Variants in YWHAB observed in about 807,000 individuals in gnomAD.
The protein encoded by YWHAB is 14-3-3 protein beta/alpha.
YWHAB carries 2 observed loss-of-function variants against 28.5 expected under a neutral mutation model. That is an observed-to-expected ratio of 0.07 (90% CI 0.03 to 0.22). The LOEUF (loss-of-function observed/expected upper bound fraction) is 0.22. Among genes scored for constraint, YWHAB ranks in the 10% least tolerant of loss-of-function variants. The probability of loss-of-function intolerance (pLI) is 1.00; values close to 1 mark genes in which losing one functional copy is unlikely to be tolerated. For synonymous variants in YWHAB, 103 were observed against 104.7 expected, an observed-to-expected ratio of 0.98 and a Z score of 0.10; for missense variants, 148 against 297.1, an observed-to-expected ratio of 0.50 and a Z score of 3.69.
intron 1 of YWHAB, among the ~76,000 whole-genome samples, chr20:44,889,868 T>C (rs993027086): frequency 1.2e-4 from 18 of 152,218 alleles, no homozygotes; most frequent in African/African-American, 3.6e-4. Context: ...GAGTTCATAA[T>C]TGATCTTTAG....
rs1168134597 is a variant in YWHAB, at chr20:44,901,627, A to T, written c.94A>T (p.Thr32Ser). ...DDMAAAMKAV[T>S]EQGHELSNEE... ...TATGGCTGCAGCCATGAAGGCAGTC[A>T]CAGAACAGGGGCATGAACTCTCCAA... is the stretch of plus-strand genomic sequence containing the variant. The change falls in exon 2 of 6, where the codon ACA becomes TCA. Residue 32 changes from threonine to serine, a missense_variant. Thr to Ser is a moderately conservative substitution (Grantham distance 58). This residue lies in a region of YWHAB where 110 missense variants were observed against 177.9 expected (regional missense o/e 0.62). Transcript: ENST00000353703. 2 of 1,614,184 alleles carry T rather than the reference A, an allele frequency of 1.2e-6. No individual in the cohort carries two copies. The highest frequency in any genetic ancestry group is 2.2e-5 in the South Asian group (2 of 91,080).
intron 1 of YWHAB, among the ~76,000 whole-genome samples, chr20:44,890,500 CTTTTTTTTTTTT>C (rs35619333): frequency 3.5e-5 from 3 of 86,388 alleles, no homozygotes; most frequent in African/African-American, 4.5e-5. Flanking sequence ...TGGATTCCTA[CTTTTTTTTTTTT>C]TTTTTTTTTT....
intron 1 of YWHAB, among the ~76,000 whole-genome samples, chr20:44,897,733 T>G (rs546269979): frequency 4.6e-5 from 7 of 152,342 alleles, no homozygotes; most frequent in African/African-American, 7.2e-5. Context: ...CCTGCAGATA[T>G]GGAGGGCCAA....
At chr20:44,888,060 A>G (rs567619965) in intron 1 of YWHAB, among the ~76,000 whole-genome samples, 1 of 152,352 alleles carries the variant, frequency 6.6e-6, no homozygotes, top group Admixed American at 6.5e-5. Flanking sequence ...TCGTCTATAT[A>G]GCACAAATGG....
intron 1 of YWHAB, among the ~76,000 whole-genome samples, chr20:44,890,712 T>C (rs2066556154): frequency 6.6e-6 from 1 of 152,052 alleles, no homozygotes; most frequent in Non-Finnish European, 1.5e-5. Flanking sequence ...GGTTTCGCCA[T>C]CTTGGCCAGG....
Position 44,908,039 on chromosome 20 carries a change from A to G in YWHAB, c.*1601A>G, listed in dbSNP as rs756459272. The G allele has an allele frequency of 1.3e-5, 2 of 152,542 alleles. No homozygotes were observed. The highest frequency in any genetic ancestry group is 2.9e-5 in the Non-Finnish European group (2 of 68,020). 9.4% of individuals were successfully genotyped at this position (152,542 alleles called of 1,614,324 possible). A position where few individuals can be genotyped will look rare whatever the true frequency, so the allele number is the denominator to read the frequency against. On this transcript the variant is annotated 3_prime_UTR_variant, in exon 6 of 6. Coordinates refer to ENST00000353703, the MANE Select transcript of YWHAB (RefSeq NM_139323.4). ...GGGAGAATTGAGAATAGTCAGGCCT[A>G]TCAGTCTCACAGAATCACCCCTCTA...
chr20:44,887,532 T>C (rs1451606892), intron 1 of YWHAB: 1 of 152,244 alleles, frequency 6.6e-6, no homozygotes, highest in Non-Finnish European at 1.5e-5. Flanking sequence ...TTTGTACATT[T>C]CACATCTTGC....
chr20:44,894,931 A>AT (rs1485206561), intron 1 of YWHAB, among the ~76,000 whole-genome samples: 4 of 152,246 alleles, frequency 2.6e-5, no homozygotes, highest in Non-Finnish European at 5.9e-5. Context: ...GAAAAACTTG[A>AT]TATTCATTTG....
chr20:44,901,584 G>A lies in YWHAB; in HGVS notation c.51G>A (p.Gln17=). ...ELVQKAKLAE[Q]AERYDDMAAA... ...TACAGAAAGCCAAACTCGCTGAGCA[G>A]GCTGAGCGATATGATGATATGGCTG... Residue 17 remains glutamine (Q), a synonymous_variant, in exon 2 of 6, where the codon CAG becomes CAA. Coordinates refer to ENST00000353703, the MANE Select transcript of YWHAB (RefSeq NM_139323.4). 1 of 1,612,930 alleles carries A rather than the reference G, an allele frequency of 6.2e-7. No homozygotes were observed. Among genetic ancestry groups the A allele is most frequent in the Non-Finnish European group, 8.5e-7 (1 of 1,178,992 alleles).
intron 3 of YWHAB, 141 bp downstream of exon 3, chr20:44,904,257 C>A: frequency 9.0e-7 from 1 of 1,108,980 alleles, no homozygotes; most frequent in South Asian, 1.5e-5. Flanking sequence ...AGCATTGTGA[C>A]GAACGGGGTC....
At chr20:44,905,815 G>C in intron 4 of YWHAB, 186 bp from the exon 5 acceptor site, 1 of 524,770 alleles carries the variant, frequency 1.9e-6, no homozygotes, top group Non-Finnish European at 3.4e-6. Context: ...TGTCATTGTT[G>C]GTTGGTGCTT....
rs972104570 is a variant in YWHAB at position 44,907,944 on chromosome 20, C to T, written c.*1506C>T. On this transcript the variant is annotated 3_prime_UTR_variant, in exon 6 of 6. Coordinates refer to ENST00000353703, the MANE Select transcript of YWHAB (RefSeq NM_139323.4). ...TGTCACCAGGTCTCCCAAGTGCACTCATCCAGGTCAGTGCTCAGATGTGTT... is the reference window on the plus strand; with the variant it reads ...TGTCACCAGGTCTCCCAAGTGCACTTATCCAGGTCAGTGCTCAGATGTGTT... 1 of 152,694 alleles carries T rather than the reference C, an allele frequency of 6.5e-6. No individual in the cohort carries two copies. Among genetic ancestry groups the T allele is most frequent in the Non-Finnish European group, 1.5e-5 (1 of 68,052 alleles). The allele number at this position is 152,694 out of a possible 1,614,324, so 9.5% of individuals were successfully genotyped here.
chr20:44,901,571 A>C lies in YWHAB; in HGVS notation c.38A>C (p.Lys13Thr). 6.2e-7 allele frequency: 1 copy of C among 1,608,186 alleles called. No homozygotes were observed. Among genetic ancestry groups the C allele is most frequent in the Non-Finnish European group, 8.5e-7 (1 of 1,174,922 alleles). ...MDKSELVQKAKLAEQAERYDD... is the reference protein window; with the variant it reads ...MDKSELVQKATLAEQAERYDD... ...AAAAGTGAGCTGGTACAGAAAGCCA[A>C]ACTCGCTGAGCAGGCTGAGCGATAT... The change falls in exon 2 of 6, where the codon AAA becomes ACA. Residue 13 changes from lysine to threonine, a missense_variant. By Grantham distance (78) the Lys-to-Thr change is moderately conservative. Around this residue, in one of 2 missense-constraint regions of YWHAB, gnomAD observed 110 missense variants for 177.9 expected, o/e 0.62. Coordinates refer to ENST00000353703, the MANE Select transcript of YWHAB (RefSeq NM_139323.4).
intron 1 of YWHAB, among the ~76,000 whole-genome samples, chr20:44,888,033 C>A (rs1274551844): frequency 1.3e-5 from 2 of 152,120 alleles, no homozygotes; most frequent in African/African-American, 4.8e-5. Flanking sequence ...CAAATCCAGT[C>A]TTTCTGAATC....
chr20:44,888,157 AT>A (rs2145521406), intron 1 of YWHAB, among the ~76,000 whole-genome samples: 1 of 152,358 alleles, frequency 6.6e-6, no homozygotes, highest in East Asian at 1.9e-4. Flanking sequence ...AATAGATGTT[AT>A]TGACCATCTG....
At chr20:44,897,640 CA>C (rs2066603743) in intron 1 of YWHAB, among the ~76,000 whole-genome samples, 1 of 152,070 alleles carries the variant, frequency 6.6e-6, no homozygotes, top group Admixed American at 6.5e-5. Context: ...CTGGGGATAC[CA>C]AAATCTGAAG....
chr20:44,895,955 T>C (rs183366359), intron 1 of YWHAB, among the ~76,000 whole-genome samples: 1 of 152,340 alleles, frequency 6.6e-6, no homozygotes. Context: ...TCAGCAGATA[T>C]TTGTTCCTAC....
Position 44,894,094 on chromosome 20 carries a change from C to G in YWHAB, c.-3-7437C>G, listed in dbSNP as rs540586562. Among the ~76,000 whole-genome samples the G allele has an allele frequency of 7.9e-5, 12 of 152,314 alleles. 2 individuals are homozygous for G. The highest frequency in any genetic ancestry group is 2.6e-4 in the African/African-American group (11 of 41,568). The stretch of plus-strand genomic sequence containing the variant: ...TCTCTGCGTTTATCAACAAATGCTT[C>G]CCAGTCCTGACTTGCTGCATCCAGT... On this transcript the variant is annotated intron_variant, in intron 1 of 5. Transcript: ENST00000353703.
chr20:44,902,625 C>A (rs1478823923), intron 2 of YWHAB: 2 of 152,138 alleles, frequency 1.3e-5, no homozygotes, highest in Non-Finnish European at 2.9e-5. Flanking sequence ...TGACTCCTTT[C>A]TTTTGAAAAC....
Sources: gnomAD v4.1 joint callset for allele counts (sites outside exome capture counted in the v4.1 genomes callset) on GRCh38, gnomAD v4.1.1 for gene constraint, gnomAD v4.1.1 regional missense constraint, MANE v1.5 for transcripts, NCBI Gene and HGNC (gene_info 2026-07-23, HGNC 2026-07-21) for gene names.